Variants in PCSK5 observed in about 807,000 individuals in gnomAD.
PCSK5 encodes proprotein convertase subtilisin/kexin type 5.
PCSK5 carries 129 observed loss-of-function variants against 233.2 expected under a neutral mutation model. That is an observed-to-expected ratio of 0.55 (90% CI 0.48 to 0.64). PCSK5 has a LOEUF of 0.64. PCSK5 is among the 30% of genes least tolerant of loss of function. The pLI is 0.00. For synonymous variants in PCSK5, 825 were observed against 879.2 expected, an observed-to-expected ratio of 0.94 and a Z score of 1.09; for missense variants, 2,076 against 2,430.1, an observed-to-expected ratio of 0.85 and a Z score of 3.06.
chr9:76,163,878 TTC>T (rs879525728), intron 12 of PCSK5, among the ~76,000 whole-genome samples: 17,552 of 134,132 alleles, frequency 0.13, 1,279 homozygotes, highest in Middle Eastern at 0.2. Flanking sequence ...TTTTTTTTTT[TTC>T]CTGAATCTCC....
chr9:76,002,938 C>G (rs563963141), intron 3 of PCSK5, among the ~76,000 whole-genome samples: 1 of 152,302 alleles, frequency 6.6e-6, no homozygotes, highest in South Asian at 2.1e-4. Flanking sequence ...AAAGTGAGAG[C>G]CTTTGCCTTG....
At chr9:76,094,975 G>A (rs1831448440) in intron 7 of PCSK5, among the ~76,000 whole-genome samples, 1 of 152,168 alleles carries the variant, frequency 6.6e-6, no homozygotes. Flanking sequence ...CTGTCTTGTA[G>A]CATTCTAAGA....
chr9:76,299,948 C>T (rs1381547093), intron 27 of PCSK5, among the ~76,000 whole-genome samples: 2 of 152,194 alleles, frequency 1.3e-5, no homozygotes, highest in East Asian at 1.9e-4. Flanking sequence ...GCACATTTAT[C>T]TTACCTCATA....
At chr9:75,957,940 C>A (rs1587418768) in intron 2 of PCSK5, among the ~76,000 whole-genome samples, 1 of 152,246 alleles carries the variant, frequency 6.6e-6, no homozygotes, top group East Asian at 1.9e-4. Flanking sequence ...CACCAAGGAT[C>A]TAAGAGCGGG....
At chr9:75,902,965 A>G (rs1210848246) in intron 1 of PCSK5, among the ~76,000 whole-genome samples, 1 of 152,178 alleles carries the variant, frequency 6.6e-6, no homozygotes, top group Non-Finnish European at 1.5e-5. Flanking sequence ...CCAGGACACA[A>G]TATTTAAGGA....
chr9:76,038,686 A>G (rs1828967589), intron 5 of PCSK5, among the ~76,000 whole-genome samples: 1 of 152,218 alleles, frequency 6.6e-6, no homozygotes, highest in South Asian at 2.1e-4. Flanking sequence ...GAGTTGGGAT[A>G]CTTGGCTTTG....
intron 5 of PCSK5, among the ~76,000 whole-genome samples, chr9:76,063,319 C>CTTTTTTTTTTTTT (rs1157596601): frequency 1.8e-4 from 11 of 59,706 alleles, no homozygotes; most frequent in East Asian, 5.4e-4. Flanking sequence ...TTTCTTTTTT[C>CTTTTTTTTTTTTT]TTTTTTTTTT....
intron 1 of PCSK5, among the ~76,000 whole-genome samples, chr9:75,903,000 A>C (rs1347814352): frequency 6.6e-6 from 1 of 152,242 alleles, no homozygotes; most frequent in East Asian, 1.9e-4. Flanking sequence ...GGTCTATACT[A>C]TCTCACATTT....
intron 1 of PCSK5, among the ~76,000 whole-genome samples, chr9:75,911,351 T>TG (rs1381688663): frequency 6.6e-6 from 1 of 151,990 alleles, no homozygotes; most frequent in African/African-American, 2.4e-5. Context: ...CTCTCACCTG[T>TG]GGAAGTCATG....
intron 9 of PCSK5, among the ~76,000 whole-genome samples, chr9:76,121,959 G>A (rs1832657460): frequency 9.7e-6 from 1 of 103,234 alleles, no homozygotes; most frequent in Admixed American, 1.1e-4. Flanking sequence ...AAGTAGCAGG[G>A]ACTACAGGCG....
At chr9:76,356,258 T>C (rs1160866943) in intron 37 of PCSK5, among the ~76,000 whole-genome samples, 1 of 152,202 alleles carries the variant, frequency 6.6e-6, no homozygotes, top group Non-Finnish European at 1.5e-5. Context: ...CTAAGAACTA[T>C]CTCGTCAGCT....
At chr9:75,973,868 A>G (rs1021502664) in intron 2 of PCSK5, among the ~76,000 whole-genome samples, 3 of 152,152 alleles carry the variant, frequency 2.0e-5, no homozygotes, top group African/African-American at 7.2e-5. Flanking sequence ...AGGGCCGAGG[A>G]GTGGAGAGAG....
At chr9:75,988,158 G>T (rs1826605348) in intron 3 of PCSK5, among the ~76,000 whole-genome samples, 2 of 152,074 alleles carry the variant, frequency 1.3e-5, no homozygotes, top group African/African-American at 2.4e-5. Flanking sequence ...CTTTTGATTG[G>T]CCATTTAACA....
chr9:75,911,856 C>G (rs1822752917), intron 1 of PCSK5, among the ~76,000 whole-genome samples: 1 of 152,138 alleles, frequency 6.6e-6, no homozygotes, highest in Non-Finnish European at 1.5e-5. Context: ...AAGTGCTTTT[C>G]CAATTTCTCC....
intron 7 of PCSK5, among the ~76,000 whole-genome samples, chr9:76,087,600 GCTCT>G (rs1196319499): frequency 6.6e-6 from 1 of 152,174 alleles, no homozygotes; most frequent in Non-Finnish European, 1.5e-5. Context: ...TCATTATTAG[GCTCT>G]CTATTTTTTT....
rs1587715951 is a variant in PCSK5 at position 76,173,495 on chromosome 9, C to CTTTTTTTTTT, written c.1757-1491_1757-1490insTTTTTTTTTT. 4.8e-3 allele frequency among the ~76,000 whole-genome samples: 165 copies of CTTTTTTTTTT among 34,564 alleles called. 7 individuals are homozygous for CTTTTTTTTTT. Among genetic ancestry groups the CTTTTTTTTTT allele is most frequent in the East Asian group, 0.022 (25 of 1,126 alleles). The allele number at this position is 34,564 out of a possible 152,430, so 22.7% of individuals were successfully genotyped here. ...ACTTTAATGAAATGGAGGCACGTTT[C>CTTTTTTTTTT]CTTTTTTTTTTTTTTTTTTTTTTTT... is the stretch of plus-strand genomic sequence containing the variant. On this transcript the variant is annotated intron_variant, in intron 13 of 37. Transcript: ENST00000674117.
intron 8 of PCSK5, 84 bp downstream of exon 8, chr9:76,096,186 T>TACAC (rs1179273346): frequency 1.5e-4 from 102 of 698,756 alleles, no homozygotes; most frequent in African/African-American, 1.3e-3. Flanking sequence ...AACATATATA[T>TACAC]ATATACACAC....
intron 10 of PCSK5, among the ~76,000 whole-genome samples, chr9:76,156,385 A>G (rs922834206): frequency 2.6e-5 from 4 of 152,210 alleles, no homozygotes; most frequent in Non-Finnish European, 5.9e-5. Flanking sequence ...GAGGCCTCCA[A>G]ATATTTCCTG....
chr9:76,350,748 T>G, intron 35 of PCSK5, 80 bp from the exon 36 acceptor site: 2 of 874,738 alleles, frequency 2.3e-6, no homozygotes, highest in Non-Finnish European at 3.8e-6. Context: ...GACATATTCC[T>G]TGTTCCTAAG....
Sources: gnomAD v4.1 joint callset for allele counts (sites outside exome capture counted in the v4.1 genomes callset) on GRCh38, gnomAD v4.1.1 for gene constraint, MANE v1.5 for transcripts, NCBI Gene and HGNC (gene_info 2026-07-23, HGNC 2026-07-21) for gene names.